Variants in CNTN5 observed in about 807,000 individuals in gnomAD.
The protein encoded by CNTN5 is contactin 5.
In CNTN5, 77 loss-of-function variants were observed where a neutral mutation model predicts 129.1. The ratio of observed to expected loss-of-function variants is 0.60; its 90% confidence interval spans 0.50 to 0.72. The LOEUF (loss-of-function observed/expected upper bound fraction) is 0.72, where lower values mean the gene tolerates loss of function less well. Ranked by LOEUF, CNTN5 falls within the 30% of genes least tolerant of loss-of-function variation. The pLI is 0.00. For synonymous variants in CNTN5, 509 were observed against 465.6 expected (o/e 1.09, Z -1.20); for missense variants, 1,478 against 1,328.8 (o/e 1.11, Z -1.75).
chr11:99,280,943 A>C (rs1863667913), intron 1 of CNTN5, among the ~76,000 whole-genome samples: 1 of 151,370 alleles, frequency 6.6e-6, no homozygotes, highest in Non-Finnish European at 1.5e-5. Context: ...GGAATCAAGG[A>C]AATAAAAAGA....
At chr11:100,214,486 T>C (rs1380154431) in intron 15 of CNTN5, among the ~76,000 whole-genome samples, 2 of 152,198 alleles carry the variant, frequency 1.3e-5, no homozygotes, top group Non-Finnish European at 2.9e-5. Context: ...TCTCCTTACA[T>C]AAACCCAAAG....
intron 18 of CNTN5, among the ~76,000 whole-genome samples, chr11:100,284,808 T>G (rs1445922732): frequency 6.6e-6 from 1 of 152,234 alleles, no homozygotes; most frequent in African/African-American, 2.4e-5. Flanking sequence ...ATTTCAAATT[T>G]TAATGAATTA....
At chr11:100,077,902 TAG>T (rs1266747145) in intron 13 of CNTN5, among the ~76,000 whole-genome samples, 1 of 152,068 alleles carries the variant, frequency 6.6e-6, no homozygotes, top group African/African-American at 2.4e-5. Context: ...ATTGCTTTCA[TAG>T]CATAAAATTA....
At chr11:99,940,885 C>A (rs1591453448) in intron 7 of CNTN5, among the ~76,000 whole-genome samples, 1 of 148,586 alleles carries the variant, frequency 6.7e-6, no homozygotes, top group Admixed American at 6.8e-5. Context: ...CAAAACTGTA[C>A]AAGGAAGCAA....
chr11:99,586,409 A>T (rs1056365491), intron 3 of CNTN5, among the ~76,000 whole-genome samples: 2 of 152,194 alleles, frequency 1.3e-5, no homozygotes, highest in Non-Finnish European at 2.9e-5. Flanking sequence ...TAAATAAAAA[A>T]TGCTCTAATT....
intron 1 of CNTN5, among the ~76,000 whole-genome samples, chr11:99,123,361 G>A (rs78460507): frequency 0.061 from 9,319 of 151,988 alleles, 313 homozygotes; most frequent in African/African-American, 0.085. Flanking sequence ...AAAGATGTCT[G>A]TTCATGTCAT....
At chr11:100,006,575 G>A (rs1170419963) in intron 9 of CNTN5, among the ~76,000 whole-genome samples, 1 of 152,100 alleles carries the variant, frequency 6.6e-6, no homozygotes, top group Non-Finnish European at 1.5e-5. Flanking sequence ...CTTTTATCGT[G>A]AGATTGCAGC....
At chr11:99,697,450 A>G (rs959375148) in intron 3 of CNTN5, among the ~76,000 whole-genome samples, 3 of 151,698 alleles carry the variant, frequency 2.0e-5, no homozygotes, top group Non-Finnish European at 4.4e-5. Context: ...AAAAACCCAA[A>G]ATTCATAAAA....
intron 1 of CNTN5, among the ~76,000 whole-genome samples, chr11:99,085,208 C>T (rs554597817): frequency 9.7e-4 from 148 of 151,914 alleles, no homozygotes; most frequent in African/African-American, 3.4e-3. Context: ...CCACGCCCAG[C>T]TAATTTTTGT....
chr11:99,415,187 T>A (rs1050953725), intron 2 of CNTN5, among the ~76,000 whole-genome samples: 2 of 152,144 alleles, frequency 1.3e-5, no homozygotes, highest in African/African-American at 4.8e-5. Context: ...CACAACAGAT[T>A]TATTTAATCA....
chr11:99,465,136 G>A (rs557695679), intron 2 of CNTN5, among the ~76,000 whole-genome samples: 98 of 152,298 alleles, frequency 6.4e-4, no homozygotes, highest in African/African-American at 2.2e-3. Context: ...TTTGAGTAAA[G>A]TAGAGTAGTC....
chr11:99,671,731 C>A (rs1953053222), intron 3 of CNTN5, among the ~76,000 whole-genome samples: 1 of 152,080 alleles, frequency 6.6e-6, no homozygotes, highest in South Asian at 2.1e-4. Flanking sequence ...CAGAATTAAT[C>A]TATTACATTT....
chr11:99,036,546 ATGAAAT>A (rs1361108821), intron 1 of CNTN5, among the ~76,000 whole-genome samples: 1 of 152,210 alleles, frequency 6.6e-6, no homozygotes, highest in East Asian at 1.9e-4. Flanking sequence ...ACAAATAAAT[ATGAAAT>A]TAAAATTCTT....
intron 1 of CNTN5, among the ~76,000 whole-genome samples, chr11:99,146,059 T>C (rs956789996): frequency 6.6e-6 from 1 of 152,154 alleles, no homozygotes; most frequent in African/African-American, 2.4e-5. Flanking sequence ...ACTTAATAGA[T>C]CCATGTGCAT....
intron 3 of CNTN5, among the ~76,000 whole-genome samples, chr11:99,671,096 C>T (rs184667398): frequency 1.3e-5 from 2 of 150,842 alleles, no homozygotes; most frequent in South Asian, 2.1e-4. Context: ...TGAGTTCTCT[C>T]GCTCGCTCGC....
intron 1 of CNTN5, among the ~76,000 whole-genome samples, chr11:99,071,015 C>T (rs1372631205): frequency 6.6e-6 from 1 of 152,058 alleles, no homozygotes; most frequent in African/African-American, 2.4e-5. Context: ...GCTTACATGG[C>T]CCTGCTTGTT....
chr11:99,930,562 T>C (rs1950167602), intron 7 of CNTN5, among the ~76,000 whole-genome samples: 1 of 152,202 alleles, frequency 6.6e-6, no homozygotes, highest in Non-Finnish European at 1.5e-5. Flanking sequence ...TATTCTGCCC[T>C]GTTCATATCT....
At chr11:99,632,556 T>C (rs1344609969) in intron 3 of CNTN5, among the ~76,000 whole-genome samples, 2 of 152,156 alleles carry the variant, frequency 1.3e-5, no homozygotes, top group East Asian at 3.9e-4. Context: ...GTACCCCAAA[T>C]TGATTTTTAC....
At chr11:99,133,224 T>C (rs944769787) in intron 1 of CNTN5, among the ~76,000 whole-genome samples, 1 of 152,080 alleles carries the variant, frequency 6.6e-6, no homozygotes, top group African/African-American at 2.4e-5. Context: ...TGAAACTGGG[T>C]TTCTTCCTTA....
Sources: gnomAD v4.1 joint callset for allele counts (sites outside exome capture counted in the v4.1 genomes callset) on GRCh38, gnomAD v4.1.1 for gene constraint, MANE v1.5 for transcripts, NCBI Gene and HGNC (gene_info 2026-07-23, HGNC 2026-07-21) for gene names.